The following BCKDHB variants were observed in gnomAD, a reference collection of about 807,000 sequenced individuals.
The protein encoded by BCKDHB is 2-oxoisovalerate dehydrogenase subunit beta, mitochondrial.
Under a neutral mutation model 48.5 loss-of-function variants are expected in BCKDHB, and 41 were observed. The ratio of observed to expected loss-of-function variants is 0.85; its 90% CI spans 0.66 to 1.10. The LOEUF is 1.10. Ranked by LOEUF, BCKDHB falls within the 50% of genes least tolerant of loss-of-function variation. BCKDHB has a pLI of 0.00. For synonymous variants in BCKDHB, 201 were observed against 174.8 expected (o/e 1.15, Z -1.18); for missense variants, 496 against 494.2 (o/e 1.00, Z -0.03).
chr6:80,275,399 T>C (rs1777925998), intron 9 of BCKDHB, among the ~76,000 whole-genome samples: 1 of 152,090 alleles, frequency 6.6e-6, no homozygotes, highest in Non-Finnish European at 1.5e-5. Context: ...GGCAAAATTA[T>C]TCACCAGCTA....
the BCKDHB span, among the ~76,000 whole-genome samples, chr6:80,388,326 G>C: frequency 0.018 from 2,779 of 152,222 alleles, 33 homozygotes; most frequent in Non-Finnish European, 0.029. Context: ...CCTTTGGCAG[G>C]CCTCCATAGG....
At chr6:80,139,047 T>C (rs1413404302) in intron 3 of BCKDHB, among the ~76,000 whole-genome samples, 1 of 152,242 alleles carries the variant, frequency 6.6e-6, no homozygotes, top group African/African-American at 2.4e-5. Context: ...ATTTCTCTGA[T>C]GGCCGGTGAT....
chr6:80,285,468 A>G (rs1327979320), intron 9 of BCKDHB, among the ~76,000 whole-genome samples: 1 of 152,130 alleles, frequency 6.6e-6, no homozygotes, highest in East Asian at 1.9e-4. Flanking sequence ...ATACTGAGTC[A>G]TGGGAGCAAC....
At chr6:80,462,169 G>T in the BCKDHB span, among the ~76,000 whole-genome samples, 3 of 152,052 alleles carry the variant, frequency 2.0e-5, no homozygotes, top group Non-Finnish European at 4.4e-5. Flanking sequence ...TAAGTTAGGA[G>T]TTCTTTCTTG....
At chr6:80,270,776 G>T (rs939112164) in intron 8 of BCKDHB, among the ~76,000 whole-genome samples, 1 of 152,106 alleles carries the variant, frequency 6.6e-6, no homozygotes, top group South Asian at 2.1e-4. Context: ...AGTGGGATGG[G>T]AAGACTGGCT....
At chr6:80,150,565 T>C (rs1771723939) in intron 3 of BCKDHB, among the ~76,000 whole-genome samples, 1 of 147,988 alleles carries the variant, frequency 6.8e-6, no homozygotes, top group Admixed American at 6.8e-5. Context: ...TTTTTTTTTT[T>C]TTTTTTTGTG....
At chr6:80,308,413 C>A (rs954784741) in intron 9 of BCKDHB, among the ~76,000 whole-genome samples, 1 of 152,086 alleles carries the variant, frequency 6.6e-6, no homozygotes, top group South Asian at 2.1e-4. Flanking sequence ...AGCAAAAATA[C>A]CCCTAAACAT....
intron 6 of BCKDHB, among the ~76,000 whole-genome samples, chr6:80,191,910 A>G (rs1773914149): frequency 6.6e-6 from 1 of 152,220 alleles, no homozygotes; most frequent in Non-Finnish European, 1.5e-5. Flanking sequence ...TAATGAATTC[A>G]TTTAAAAAAG....
At chr6:80,352,755 C>A in the BCKDHB span, among the ~76,000 whole-genome samples, 1 of 152,010 alleles carries the variant, frequency 6.6e-6, no homozygotes, top group Non-Finnish European at 1.5e-5. Context: ...AGCCACAGAC[C>A]CTATGTTAAT....
rs145421078 is a variant in BCKDHB at position 80,335,297 on chromosome 6, G to A, written c.1039-8367G>A. ...GATCATCAAAAGCCACTTTTCAGGA[G>A]TATTTTACATTTCTTGGTGCCAAGC... is the stretch of plus-strand genomic sequence containing the variant. On this transcript the variant is annotated intron_variant, in intron 9 of 9. Transcript: ENST00000320393. 3.6e-3 allele frequency among the ~76,000 whole-genome samples: 543 copies of A among 150,896 alleles called. 2 individuals are homozygous for A. The highest frequency in any genetic ancestry group is 6.4e-3 in the Non-Finnish European group (430 of 67,702).
the BCKDHB span, among the ~76,000 whole-genome samples, chr6:80,414,209 C>T: frequency 6.6e-6 from 1 of 151,928 alleles, no homozygotes; most frequent in African/African-American, 2.4e-5. Flanking sequence ...AGACGATTGT[C>T]AGATGCTTTG....
In BCKDHB at chr6:80,147,814, T is replaced by C. The variant is rs556091989; in HGVS notation, c.343+18585T>C. Among the ~76,000 whole-genome samples the C allele has an allele frequency of 4.6e-5, 7 of 152,228 alleles. No individual in the cohort carries two copies. In the South Asian group the frequency reaches 1.5e-3, roughly 32 times the overall value. The stretch of plus-strand genomic sequence containing the variant: ...AGGTCTGAGAACCACAGCACCTATC[T>C]GAGAGGTAATGAGAGTCTAAATTGT... On this transcript the variant is annotated intron_variant, in intron 3 of 9. Transcript: ENST00000320393.
At chr6:80,142,709 C>T (rs932929853) in intron 3 of BCKDHB, among the ~76,000 whole-genome samples, 3 of 151,908 alleles carry the variant, frequency 2.0e-5, no homozygotes, top group Non-Finnish European at 4.4e-5. Context: ...TTTTGTGTTT[C>T]TTTGACCTAA....
At chr6:80,161,096 T>C (rs1199722148) in intron 3 of BCKDHB, among the ~76,000 whole-genome samples, 1 of 152,182 alleles carries the variant, frequency 6.6e-6, no homozygotes, top group Admixed American at 6.5e-5. Context: ...ACCACTGAAT[T>C]AAACATTTGC....
intron 9 of BCKDHB, among the ~76,000 whole-genome samples, chr6:80,342,483 G>A (rs1445399968): frequency 6.7e-6 from 1 of 148,594 alleles, no homozygotes; most frequent in Non-Finnish European, 1.5e-5. Context: ...CAGTTTGGGA[G>A]GCTGAGGCTA....
the BCKDHB span, among the ~76,000 whole-genome samples, chr6:80,424,593 A>G: frequency 3.9e-5 from 6 of 152,204 alleles, no homozygotes; most frequent in South Asian, 4.1e-4. Context: ...TATTTTTAAT[A>G]CTATTTTTAA....
intron 8 of BCKDHB, among the ~76,000 whole-genome samples, chr6:80,269,991 C>A (rs1464059035): frequency 6.6e-6 from 1 of 151,962 alleles, no homozygotes; most frequent in Non-Finnish European, 1.5e-5. Flanking sequence ...ATCAGAATAT[C>A]TAATTAAAAT....
At chr6:80,245,097 A>G (rs75795709) in intron 8 of BCKDHB, among the ~76,000 whole-genome samples, 6 of 135,972 alleles carry the variant, frequency 4.4e-5, no homozygotes, top group African/African-American at 1.6e-4. Flanking sequence ...TTTTTTTTTT[A>G]GGATAAACAG....
At chr6:80,408,160 T>G in the BCKDHB span, among the ~76,000 whole-genome samples, 12 of 152,174 alleles carry the variant, frequency 7.9e-5, no homozygotes, top group African/African-American at 2.9e-4. Flanking sequence ...TTACTTTTAT[T>G]GATTTGCATA....
Sources: allele counts gnomAD v4.1 joint callset (sites outside exome capture counted in the v4.1 genomes callset), GRCh38; gene constraint gnomAD v4.1.1; transcripts MANE v1.5; gene names NCBI Gene and HGNC (gene_info 2026-07-23, HGNC 2026-07-21).